The following MAPK8IP3 variants were observed in gnomAD, a reference collection of about 807,000 sequenced individuals.
The protein encoded by MAPK8IP3 is mitogen-activated protein kinase 8 interacting protein 3, also known as C-Jun-amino-terminal kinase-interacting protein 3.
A neutral mutation model predicts 157.8 loss-of-function variants in MAPK8IP3; 49 were observed. That is an observed-to-expected ratio of 0.31 (90% CI 0.25 to 0.39). MAPK8IP3 has a LOEUF of 0.39. Among genes scored for constraint, MAPK8IP3 ranks in the 10% least tolerant of loss-of-function variants. The pLI, the probability that MAPK8IP3 is intolerant of heterozygous loss-of-function variation, is 1.00. For synonymous variants in MAPK8IP3, 897 were observed against 777.7 expected, an observed-to-expected ratio of 1.15 and a Z score of -2.55; for missense variants, 1,478 against 1,889.4, an observed-to-expected ratio of 0.78 and a Z score of 4.04.
Position 1,747,090 on chromosome 16 carries a change from C to T in MAPK8IP3, c.809C>T (p.Thr270Ile), listed in dbSNP as rs1449647733. ...TCGGCGGCCGCCACACCCAGCACCA[C>T]AGGCACCAAGTCCAACACGCCCACA... ...QSSAAATPST[T>I]GTKSNTPTSS... Residue 270 changes from threonine to isoleucine, a missense_variant, in exon 6 of 32, where the codon ACA becomes ATA. Transcript: ENST00000610761. 3.7e-6 allele frequency: 6 copies of T among 1,613,900 alleles called. No individual in the cohort carries two copies. The highest frequency in any genetic ancestry group is 5.1e-6 in the Non-Finnish European group (6 of 1,179,906).
chr16:1,765,136 A>G lies in MAPK8IP3; in HGVS notation c.2404A>G (p.Thr802Ala). Residue 802 changes from threonine (T) to alanine (A), a missense_variant, in exon 20 of 32, where the codon ACC becomes GCC. By Grantham distance (58) the Thr-to-Ala change is moderately conservative (BLOSUM62 0). This residue lies in a region of MAPK8IP3 where 669 missense variants were observed against 759.8 expected (regional missense o/e 0.88). Transcript: ENST00000610761. ...GCCGGGCACGGTGGTGGACCAGTTC[A>G]CCGTCTGCAACGCGCACGTGCTGTG... ...NQPGTVVDQF[T>A]VCNAHVLCIS... The G allele has an allele frequency of 1.9e-6, 3 of 1,611,332 alleles. No individual in the cohort carries two copies. The highest frequency in any genetic ancestry group is 1.1e-5 in the South Asian group (1 of 91,046).
rs2037725421 is a variant in MAPK8IP3 at position 1,710,881 on chromosome 16, C to T, written c.318+4224C>T. Among the ~76,000 whole-genome samples the T allele has an allele frequency of 6.6e-6, 1 of 152,204 alleles. No homozygotes were observed. On this transcript the variant is annotated intron_variant, in intron 1 of 31. Transcript: ENST00000610761. The surrounding 1 kb of genome is among the most constrained non-coding windows in gnomAD (Gnocchi z 4.1). ...TGGCCTGGTGTAGCTGTACCACTCA[C>T]CAGGAGTACAGCAGTCTCCCTAAAA...
intron 20 of MAPK8IP3, 38 bp from the exon 21 acceptor site, chr16:1,765,920 GGT>G (rs1468499473): frequency 6.4e-7 from 1 of 1,562,300 alleles, no homozygotes; most frequent in Non-Finnish European, 8.7e-7. Flanking sequence ...TGCAGTAGTG[GGT>G]TCCCCCGCAC....
In MAPK8IP3 at chr16:1,747,134, G is replaced by A. The variant is rs544334370; in HGVS notation, c.853G>A (p.Ala285Thr). The change falls in exon 6 of 32, where the codon GCC becomes ACC. Residue 285 changes from alanine to threonine, a missense_variant. Physicochemically the swap from Ala to Thr is moderately conservative, Grantham distance 58. Around this residue, in one of 11 missense-constraint regions of MAPK8IP3, gnomAD observed 315 missense variants for 394.4 expected, o/e 0.80. Transcript: ENST00000610761. The part of the protein sequence containing the change: ...NTPTSSVPSA[A>T]VTPLNESLQP... ...GCCCACATCCTCCGTGCCCTCGGCC[G>A]CCGTCACACCCCTCAACGAGAGCCT... 2.4e-5 allele frequency: 39 copies of A among 1,613,954 alleles called. No homozygotes were observed. Among genetic ancestry groups the A allele is most frequent in the East Asian group, 1.6e-4 (7 of 44,880 alleles).
chr16:1,758,935 G>T (rs546507655), intron 9 of MAPK8IP3, 43 bp from the exon 10 acceptor site: 1 of 1,612,098 alleles, frequency 6.2e-7, no homozygotes, highest in Non-Finnish European at 8.5e-7. Flanking sequence ...CTCTCCTCCC[G>T]CCCTGGTTGC....
chr16:1,739,108 CTG>C (rs1172195529), intron 4 of MAPK8IP3, among the ~76,000 whole-genome samples: 54 of 118,568 alleles, frequency 4.6e-4, no homozygotes, highest in East Asian at 1.4e-3. Flanking sequence ...GTGTGACCGT[CTG>C]TGTGAGCATC....
At chr16:1,758,886 C>A in intron 9 of MAPK8IP3, 92 bp from the exon 10 acceptor site, 2 of 1,400,632 alleles carry the variant, frequency 1.4e-6, no homozygotes, top group Non-Finnish European at 2.0e-6. Context: ...GCCTGCTGTC[C>A]ACACGGGCTT....
intron 1 of MAPK8IP3, chr16:1,714,073 T>A: frequency 6.6e-6 from 1 of 152,264 alleles, no homozygotes; most frequent in East Asian, 1.9e-4. Flanking sequence ...AGTGCGTACG[T>A]GGTTTCCTCT....
chr16:1,737,873 ACCGT>A (rs1189444462), intron 4 of MAPK8IP3, among the ~76,000 whole-genome samples: 3 of 62,484 alleles, frequency 4.8e-5, no homozygotes, highest in Non-Finnish European at 8.8e-5. Flanking sequence ...CATCTGTGTG[ACCGT>A]CCGTGTGAGC....
intron 4 of MAPK8IP3, among the ~76,000 whole-genome samples, chr16:1,738,776 CGTGTGAGCGTCCGTGTGAGT>C (rs2040321188): frequency 1.2e-5 from 1 of 82,530 alleles, no homozygotes; most frequent in South Asian, 5.6e-4. Context: ...TCCGTGTGAG[CGTGTGAGCGTCCGTGTGAGT>C]GTGACCACCC....
chr16:1,757,868 C>T (rs778970182), intron 8 of MAPK8IP3, among the ~76,000 whole-genome samples: 10 of 152,174 alleles, frequency 6.6e-5, no homozygotes, highest in African/African-American at 9.7e-5. Flanking sequence ...TCCTGATGGG[C>T]GATGGGAGCA....
chr16:1,757,768 G>T (rs1259381797), intron 8 of MAPK8IP3, among the ~76,000 whole-genome samples: 1 of 152,222 alleles, frequency 6.6e-6, no homozygotes, highest in Non-Finnish European at 1.5e-5. Flanking sequence ...CACGCTGGGG[G>T]GCTTTTGGAG....
intron 12 of MAPK8IP3, 110 bp from the exon 13 acceptor site, chr16:1,761,114 C>T (rs2041907877): frequency 1.2e-6 from 1 of 846,126 alleles, no homozygotes; most frequent in Non-Finnish European, 2.0e-6. Context: ...GGAGAGCCCC[C>T]AGCCCTGCAC....
intron 2 of MAPK8IP3, among the ~76,000 whole-genome samples, chr16:1,725,032 C>T (rs1177847805): frequency 6.6e-6 from 1 of 152,064 alleles, no homozygotes; most frequent in African/African-American, 2.4e-5. Flanking sequence ...AGTGATGGCT[C>T]CTTCTCAGGC....
rs1261989373 is a variant in MAPK8IP3, at chr16:1,737,769, C to T, written c.603-5563C>T. On this transcript the variant is annotated intron_variant, in intron 4 of 31. Transcript: ENST00000610761. Reference sequence around the variant, plus strand: ...GTGACCATCCGTGTGTGTGACCATCCGTGTGAGTGACCATCCATGTGAGCA... The same window carrying T: ...GTGACCATCCGTGTGTGTGACCATCTGTGTGAGTGACCATCCATGTGAGCA... Among the ~76,000 whole-genome samples, 3 of 11,524 alleles carry T rather than the reference C, an allele frequency of 2.6e-4. 1 individual carries two copies. The highest frequency in any genetic ancestry group is 2.1e-3 in the African/African-American group (2 of 952). The allele number at this position is 11,524 out of a possible 152,430, so 7.6% of individuals were successfully genotyped here. A position where few individuals can be genotyped will look rare whatever the true frequency, so the allele number is the denominator to read the frequency against.
chr16:1,768,172 C>T, intron 29 of MAPK8IP3, 27 bp from the exon 30 acceptor site: 1 of 1,612,026 alleles, frequency 6.2e-7, no homozygotes, highest in Non-Finnish European at 8.5e-7. Context: ...TATGCGGGCT[C>T]AGCGCCTCTG....
At chr16:1,735,643 G>A (rs1397792004) in intron 4 of MAPK8IP3, among the ~76,000 whole-genome samples, 1 of 137,152 alleles carries the variant, frequency 7.3e-6, no homozygotes, top group Non-Finnish European at 1.5e-5. Context: ...CTGTCCATGT[G>A]AGTGTGACCA....
At position 1,743,794 on chromosome 16, in the gene MAPK8IP3, C is replaced by T. The variant is rs2040816371; in HGVS notation, c.747+318C>T. 8.0e-7 allele frequency: 1 copy of T among 1,247,704 alleles called. No individual in the cohort carries two copies. The highest frequency in any genetic ancestry group is 4.7e-5 in the Admixed American group (1 of 21,104). 77.3% of individuals were successfully genotyped at this position (1,247,704 alleles called of 1,614,324 possible). A position where few individuals can be genotyped will look rare whatever the true frequency, so the allele number is the denominator to read the frequency against. ...CCTGTCAGGGTTGAGCTTAGTGATC[C>T]TCTCTCAAACCACACCCCCACATAA... On this transcript the variant is annotated intron_variant, in intron 5 of 31. Transcript: ENST00000610761. This position sits in a 1 kb window ranked among gnomAD's most constrained non-coding sequence, Gnocchi z 5.6.
intron 5 of MAPK8IP3, chr16:1,744,735 C>T (rs1442310723): frequency 5.1e-6 from 5 of 985,392 alleles, no homozygotes; most frequent in Middle Eastern, 5.2e-4. Flanking sequence ...TGGGCCCGCT[C>T]TTCTTCTCAT....
Sources: allele counts gnomAD v4.1 joint callset (sites outside exome capture counted in the v4.1 genomes callset), GRCh38; gene constraint gnomAD v4.1.1; regional missense constraint gnomAD v4.1.1; non-coding constraint Gnocchi (gnomAD v3.1); transcripts MANE v1.5; gene names NCBI Gene and HGNC (gene_info 2026-07-23, HGNC 2026-07-21).